CSGALNACT1: variants seen among roughly 807,000 people sequenced by gnomAD.
The protein encoded by CSGALNACT1 is chondroitin sulfate N-acetylgalactosaminyltransferase 1.
In CSGALNACT1, 52 loss-of-function variants were observed where a neutral mutation model predicts 51.0. The observed-to-expected ratio is 1.02, with a 90% CI of 0.82 to 1.29. The LOEUF (loss-of-function observed/expected upper bound fraction) is 1.29. Among genes scored for constraint, CSGALNACT1 ranks in the 50% most tolerant of loss-of-function variants. The probability of loss-of-function intolerance (pLI) is 0.00; values close to 1 mark genes in which losing one functional copy is unlikely to be tolerated. For synonymous variants in CSGALNACT1, 341 were observed against 254.4 expected (o/e 1.34, Z -3.24); for missense variants, 935 against 679.2 (o/e 1.38, Z -4.19).
intron 1 of CSGALNACT1, among the ~76,000 whole-genome samples, chr8:19,667,983 G>A (rs1399412856): frequency 6.6e-6 from 1 of 152,148 alleles, no homozygotes; most frequent in Non-Finnish European, 1.5e-5. Flanking sequence ...AAGTTGAACT[G>A]AAGGAAACCT....
At position 19,425,835 on chromosome 8, in the gene CSGALNACT1, A is replaced by C. The variant is rs1214246125; in HGVS notation, c.954-5317T>G. The stretch of plus-strand genomic sequence containing the variant: ...ATCTTCTCACTGTTCTCTTCCCTCA[A>C]ATACGCGCTCTGCATCTACTCCTGC... On this transcript the variant is annotated intron_variant, in intron 6 of 9. Coordinates refer to ENST00000454498, the Ensembl canonical transcript of CSGALNACT1. Among the ~76,000 whole-genome samples the C allele has an allele frequency of 2.0e-5, 3 of 152,046 alleles. No individual in the cohort carries two copies. In the East Asian group the frequency reaches 5.8e-4, roughly 29 times the overall value.
intron 1 of CSGALNACT1, among the ~76,000 whole-genome samples, chr8:19,750,392 C>T (rs1166300811): frequency 2.0e-5 from 3 of 152,124 alleles, no homozygotes; most frequent in Non-Finnish European, 4.4e-5. Flanking sequence ...ATACTTTTAT[C>T]TCTACCACCA....
intron 3 of CSGALNACT1, among the ~76,000 whole-genome samples, chr8:19,532,499 C>CT (rs1247842124): frequency 6.6e-6 from 1 of 152,300 alleles, no homozygotes; most frequent in East Asian, 1.9e-4. Context: ...AAAGAGCTCC[C>CT]TAACCAGTCT....
At chr8:19,406,969 A>T (rs745388591) in intron 9 of CSGALNACT1, among the ~76,000 whole-genome samples, 10 of 152,216 alleles carry the variant, frequency 6.6e-5, no homozygotes, top group Non-Finnish European at 1.2e-4. Flanking sequence ...TTGGCCTCCC[A>T]GAGTGCTGGG....
intron 1 of CSGALNACT1, among the ~76,000 whole-genome samples, chr8:19,669,459 T>C (rs1461457701): frequency 6.6e-6 from 1 of 152,150 alleles, no homozygotes; most frequent in Non-Finnish European, 1.5e-5. Flanking sequence ...GTTTGTTTGG[T>C]TTTTATTTTG....
At chr8:19,665,819 C>A (rs969506496) in intron 1 of CSGALNACT1, among the ~76,000 whole-genome samples, 8 of 152,168 alleles carry the variant, frequency 5.3e-5, no homozygotes, top group African/African-American at 1.9e-4. Flanking sequence ...AAAATGTGTT[C>A]TTCGCTACGT....
rs559657328 is a variant in CSGALNACT1 at position 19,414,440 on chromosome 8, G to A, written c.1227+4216C>T. Reference sequence around the variant, plus strand: ...AAATTATAGTCATTCCTTTCTCAGCGAACTGTTTCTACACATGAAAGCACC... The same window carrying A: ...AAATTATAGTCATTCCTTTCTCAGCAAACTGTTTCTACACATGAAAGCACC... On this transcript the variant is annotated intron_variant, in intron 8 of 9. Coordinates refer to ENST00000454498, the Ensembl canonical transcript of CSGALNACT1. Among the ~76,000 whole-genome samples the A allele has an allele frequency of 6.4e-4, 98 of 152,212 alleles. 1 individual carries two copies. Among genetic ancestry groups the A allele is most frequent in the Non-Finnish European group, 1.1e-3 (77 of 68,014 alleles).
intron 3 of CSGALNACT1, among the ~76,000 whole-genome samples, chr8:19,517,098 T>C (rs13278838): frequency 6.6e-6 from 1 of 152,142 alleles, no homozygotes; most frequent in Non-Finnish European, 1.5e-5. Flanking sequence ...CTAAAAAGCA[T>C]CACGGCAAGT....
chr8:19,475,742 C>T (rs150921845), intron 4 of CSGALNACT1, among the ~76,000 whole-genome samples: 3 of 152,324 alleles, frequency 2.0e-5, no homozygotes, highest in Non-Finnish European at 2.9e-5. Flanking sequence ...CTGCTCAGAA[C>T]GCCAAACTAT....
intron 4 of CSGALNACT1, among the ~76,000 whole-genome samples, chr8:19,459,712 C>A (rs2064962444): frequency 6.6e-6 from 1 of 152,184 alleles, no homozygotes; most frequent in Non-Finnish European, 1.5e-5. Flanking sequence ...TCCTGTGCCT[C>A]ATTTTCCCCA....
chr8:19,507,859 C>T (rs113596071), intron 3 of CSGALNACT1, among the ~76,000 whole-genome samples: 1,843 of 152,312 alleles, frequency 0.012, 29 homozygotes, highest in African/African-American at 0.039. Context: ...TATCTCCTGA[C>T]CTTGTGATCC....
exon 10 of CSGALNACT1, chr8:19,404,413 CTATG>C (rs1172694627): frequency 4.4e-6 from 2 of 453,096 alleles, no homozygotes; most frequent in Non-Finnish European, 8.8e-6. Flanking sequence ...AGAAACCACT[CTATG>C]TTAACTGTAT....
intron 1 of CSGALNACT1, among the ~76,000 whole-genome samples, chr8:19,617,304 T>C (rs776369892): frequency 5.9e-5 from 9 of 152,190 alleles, no homozygotes; most frequent in Non-Finnish European, 1.2e-4. Flanking sequence ...TCACCTTCTA[T>C]GGGGCCTGGT....
At chr8:19,491,367 G>T (rs928702059) in intron 4 of CSGALNACT1, among the ~76,000 whole-genome samples, 1 of 152,058 alleles carries the variant, frequency 6.6e-6, no homozygotes, top group Non-Finnish European at 1.5e-5. Context: ...ACATTTCTGA[G>T]AATCAGCTTT....
At chr8:19,578,118 G>T (rs375403143) in intron 3 of CSGALNACT1, among the ~76,000 whole-genome samples, 1 of 152,322 alleles carries the variant, frequency 6.6e-6, no homozygotes, top group South Asian at 2.1e-4. Context: ...AGGTGGCACC[G>T]CAGGTCGTCC....
chr8:19,653,922 G>A (rs1311394018), intron 1 of CSGALNACT1, among the ~76,000 whole-genome samples: 1 of 152,100 alleles, frequency 6.6e-6, no homozygotes, highest in Non-Finnish European at 1.5e-5. Flanking sequence ...GACTATAGGT[G>A]TTCACTGTCT....
chr8:19,437,545 CA>C (rs1237646762), intron 6 of CSGALNACT1, among the ~76,000 whole-genome samples: 1 of 151,956 alleles, frequency 6.6e-6, no homozygotes, highest in African/African-American at 2.4e-5. Context: ...GGACATGGCC[CA>C]AAGCATCAGT....
At chr8:19,432,842 C>T (rs1471479697) in intron 6 of CSGALNACT1, among the ~76,000 whole-genome samples, 1 of 152,020 alleles carries the variant, frequency 6.6e-6, no homozygotes, top group Non-Finnish European at 1.5e-5. Context: ...TCATATACTT[C>T]AGTTCTTTAA....
intron 1 of CSGALNACT1, among the ~76,000 whole-genome samples, chr8:19,655,747 T>G (rs948207152): frequency 1.3e-5 from 2 of 152,112 alleles, no homozygotes; most frequent in Non-Finnish European, 2.9e-5. Flanking sequence ...TGTGAAAAAT[T>G]TGTGAAAAGT....
Sources: allele counts gnomAD v4.1 joint callset (sites outside exome capture counted in the v4.1 genomes callset), GRCh38; gene constraint gnomAD v4.1.1; transcripts MANE v1.5; gene names NCBI Gene and HGNC (gene_info 2026-07-23, HGNC 2026-07-21).